The following GGCX variants were observed in gnomAD, a reference collection of about 807,000 sequenced individuals.
GGCX encodes vitamin K-dependent gamma-carboxylase.
In GGCX, 63 loss-of-function variants were observed where a neutral mutation model predicts 88.5. That is an observed-to-expected ratio of 0.71 (90% CI 0.58 to 0.88). The LOEUF (loss-of-function observed/expected upper bound fraction) is 0.88, where lower values mean the gene tolerates loss of function less well. GGCX is among the 40% of genes least tolerant of loss of function. The pLI is 0.00. For synonymous variants in GGCX, 368 were observed against 365.8 expected, an observed-to-expected ratio of 1.01 and a Z score of -0.07; for missense variants, 805 against 932.9, an observed-to-expected ratio of 0.86 and a Z score of 1.79.
chr2:85,547,123 A>G lies in GGCX; in HGVS notation c.*2811T>C, dbSNP rs118153916. ...ACATTAGGCCACAGGGAGCAGAGGG[A>G]AAGCATAACAGCAGGGGATGATAAG... On this transcript the variant is annotated 3_prime_UTR_variant, in exon 15 of 15. Coordinates refer to ENST00000233838, the MANE Select transcript of GGCX (RefSeq NM_000821.7). 1.0e-4 allele frequency: 16 copies of G among 152,434 alleles called. No individual in the cohort carries two copies. In the East Asian group the frequency reaches 3.1e-3, roughly 29 times the overall value. 9.4% of individuals were successfully genotyped at this position (152,434 alleles called of 1,614,324 possible).
At chr2:85,554,580 C>T in intron 6 of GGCX, 1 of 482,718 alleles carries the variant, frequency 2.1e-6, no homozygotes, top group Non-Finnish European at 3.8e-6. Flanking sequence ...ATCCTCCTGT[C>T]TCAGCCTCCG....
Position 85,554,311 on chromosome 2 carries a change from A to G in GGCX, c.726-5T>C. 6.2e-7 allele frequency: 1 copy of G among 1,613,576 alleles called. No homozygotes were observed. The highest frequency in any genetic ancestry group is 8.5e-7 in the Non-Finnish European group (1 of 1,179,650). ...AGCTCCTCAGACAACAGCAGTCTGC[A>G]AACACATGGAGAAAGTTCAAGCACC... On this transcript the variant is annotated splice_region_variant and splice_polypyrimidine_tract_variant and intron_variant, in intron 6 of 14. Transcript: ENST00000233838.
chr2:85,548,886 T>C lies in GGCX; in HGVS notation c.*1048A>G, dbSNP rs1051394187. On this transcript the variant is annotated 3_prime_UTR_variant, in exon 15 of 15. Coordinates refer to ENST00000233838, the MANE Select transcript of GGCX (RefSeq NM_000821.7). The stretch of plus-strand genomic sequence containing the variant: ...CACCAAAGGCTAGAATAATACCAAA[T>C]ACTAAGCTTATTTTTAGAGAAAATC... The C allele has an allele frequency of 4.6e-5, 7 of 152,182 alleles. No homozygotes were observed. The highest frequency in any genetic ancestry group is 2.0e-4 in the Admixed American group (3 of 15,278). The allele number at this position is 152,182 out of a possible 1,614,324, so 9.4% of individuals were successfully genotyped here. A position where few individuals can be genotyped will look rare whatever the true frequency, so the allele number is the denominator to read the frequency against.
Position 85,553,062 on chromosome 2 carries a change from G to C in GGCX, c.1164C>G (p.Asn388Lys), listed in dbSNP as rs146560494. The stretch of plus-strand genomic sequence containing the variant: ...AGCCATACAGCCCATTTGTCCAGTT[G>C]TTATAGCCCTGGGAAGGCAGCACAG... ...PYSHFLTQGY[N>K]NWTNGLYGYS... Residue 388 changes from asparagine (N) to lysine (K), a missense_variant, in exon 9 of 15, where the codon AAC becomes AAG. Asn to Lys is a moderately conservative substitution (Grantham distance 94). Coordinates refer to ENST00000233838, the MANE Select transcript of GGCX (RefSeq NM_000821.7). The C allele has an allele frequency of 1.2e-6, 2 of 1,614,176 alleles. No homozygotes were observed.
Position 85,558,972 on chromosome 2 carries a change from G to T in GGCX, c.318C>A (p.Ala106=), listed in dbSNP as rs768098005. Residue 106 remains alanine, a synonymous_variant, in exon 3 of 15, where the codon GCC becomes GCA. Coordinates refer to ENST00000233838, the MANE Select transcript of GGCX (RefSeq NM_000821.7). ...LDVCRFPLLD[A]LRPLPLDWMY... is the part of the protein sequence containing the mutation. ...TCCAGTCAAGTGGCAGTGGGCGTAG[G>T]GCATCCAGCAAGGGGAAGCGGCACA... The T allele has an allele frequency of 1.1e-5, 18 of 1,613,842 alleles. 1 individual carries two copies. The South Asian group carries it at 2.0e-4, about 18-fold the overall frequency.
Position 85,553,341 on chromosome 2 carries a change from C to G in GGCX, c.1046G>C (p.Arg349Pro), listed in dbSNP as rs146930374. 1.2e-6 allele frequency: 2 copies of G among 1,614,198 alleles called. No homozygotes were observed. Among genetic ancestry groups the G allele is most frequent in the East Asian group, 2.2e-5 (1 of 44,888 alleles). Residue 349 changes from arginine to proline, a missense_variant, in exon 8 of 15, where the codon CGG (arginine) becomes CCG (proline). Physicochemically the swap from Arg to Pro is moderately radical, Grantham distance 103. Around this residue, in one of 3 missense-constraint regions of GGCX, gnomAD observed 680 missense variants for 763.7 expected, o/e 0.89. Coordinates refer to ENST00000233838, the MANE Select transcript of GGCX (RefSeq NM_000821.7). The stretch of plus-strand genomic sequence containing the variant: ...CCCTGGCTTCTGGCCACTTTTGCCC[C>G]GGCTCCTCTTATACACACAGGAAAC... ...PSVSCVYKRS[R>P]GKSGQKPGLR...
rs1309584075 is a variant in GGCX, at chr2:85,555,516, A to G, written c.693T>C (p.Tyr231=). The change falls in exon 6 of 15, where the codon TAT becomes TAC. Residue 231 remains tyrosine, a synonymous_variant. Coordinates refer to ENST00000233838, the MANE Select transcript of GGCX (RefSeq NM_000821.7). The stretch of plus-strand genomic sequence containing the variant: ...GACTGAAGAGCCAGTGCCGGGACAA[A>G]TATTCCATGGAATAGCCTTCAACCC... ...ADWVEGYSME[Y]LSRHWLFSPF... 8 of 1,603,868 alleles carry G rather than the reference A, an allele frequency of 5.0e-6. No individual in the cohort carries two copies. The highest frequency in any genetic ancestry group is 6.8e-6 in the Non-Finnish European group (8 of 1,170,772).
At chr2:85,552,790 C>T in intron 9 of GGCX, 149 bp downstream of exon 9, 1 of 949,826 alleles carries the variant, frequency 1.1e-6, no homozygotes, top group Non-Finnish European at 1.7e-6. Flanking sequence ...CTATCTCAAC[C>T]CACATAAAAG....
Position 85,561,434 on chromosome 2 carries a change from TG to T in GGCX, c.-7del. 6.4e-7 allele frequency: 1 copy of T among 1,570,604 alleles called. No homozygotes were observed. On this transcript the variant is annotated 5_prime_UTR_variant, in exon 1 of 15. Coordinates refer to ENST00000233838, the MANE Select transcript of GGCX (RefSeq NM_000821.7). ...GACCCGGCAGACACCGCCATTGCTC[TG>T]CGGAGGAGGCAGGTGGGTCACAGCT...
At chr2:85,552,716 G>T (rs555842033) in intron 9 of GGCX, 149 bp from the exon 10 acceptor site, 6 of 982,230 alleles carry the variant, frequency 6.1e-6, no homozygotes, top group African/African-American at 4.8e-5. Context: ...ATTTTTCATT[G>T]TTGGGCTAGT....
chr2:85,561,330 C>G (rs1692450454), intron 1 of GGCX, 56 bp downstream of exon 1: 1 of 1,220,440 alleles, frequency 8.2e-7, no homozygotes, highest in Admixed American at 2.1e-5. Context: ...GCCCCCGCCC[C>G]TCTGAGACCA....
At chr2:85,557,424 G>A (rs1692250067) in intron 4 of GGCX, among the ~76,000 whole-genome samples, 1 of 152,130 alleles carries the variant, frequency 6.6e-6, no homozygotes, top group Admixed American at 6.5e-5. Flanking sequence ...GAAGGTTGAG[G>A]CTGCAGTGAG....
chr2:85,558,569 A>G lies in GGCX; in HGVS notation c.410T>C (p.Ile137Thr), dbSNP rs762705759. ...TGGCAGCAGGAATAACACACAGCTT[A>G]TCCGGTAGCACAGGCCCAGCATCAT... is the stretch of plus-strand genomic sequence containing the variant. ...LGMMLGLCYR[I>T]SCVLFLLPYW... Residue 137 changes from isoleucine to threonine, a missense_variant, in exon 4 of 15, where the codon ATA becomes ACA. By Grantham distance (89) the Ile-to-Thr change is moderately conservative. This residue lies in a region of GGCX where 680 missense variants were observed against 763.7 expected (regional missense o/e 0.89). Transcript: ENST00000233838. 6.2e-7 allele frequency: 1 copy of G among 1,613,796 alleles called. No individual in the cohort carries two copies. The highest frequency in any genetic ancestry group is 2.2e-5 in the East Asian group (1 of 44,888).
chr2:85,551,146 C>A, intron 12 of GGCX, 74 bp from the exon 13 acceptor site: 3 of 1,350,424 alleles, frequency 2.2e-6, no homozygotes, highest in Non-Finnish European at 3.2e-6. Flanking sequence ...TACTCTATGA[C>A]TCTTGGCTTC....
Position 85,553,215 on chromosome 2 carries a change from C to T in GGCX, c.1155+17G>A. 1 of 1,613,658 alleles carries T rather than the reference C, an allele frequency of 6.2e-7. No individual in the cohort carries two copies. The highest frequency in any genetic ancestry group is 8.5e-7 in the Non-Finnish European group (1 of 1,179,540). ...CTAAGTCCAGCCTTTGCTGTACACT[C>T]CACAGCCCCTACAAACCTGGGTGAG... On this transcript the variant is annotated intron_variant, in intron 8 of 14. Transcript: ENST00000233838.
rs190138791 is a variant in GGCX at position 85,554,888 on chromosome 2, G to A, written c.726-582C>T. The A allele has an allele frequency of 2.0e-4, 36 of 175,874 alleles. No homozygotes were observed. In the East Asian group the frequency reaches 3.6e-3, roughly 18 times the overall value. The allele number at this position is 175,874 out of a possible 1,614,324, so 10.9% of individuals were successfully genotyped here. A position where few individuals can be genotyped will look rare whatever the true frequency, so the allele number is the denominator to read the frequency against. On this transcript the variant is annotated intron_variant, in intron 6 of 14. Transcript: ENST00000233838. ...GATGTGTGTGTGTTGTGGAAGGGAC[G>A]TTCCCCACGGAGGTCATGAGTGAGA...
intron 4 of GGCX, among the ~76,000 whole-genome samples, chr2:85,557,441 T>C (rs1050575801): frequency 1.2e-4 from 18 of 152,174 alleles, no homozygotes; most frequent in African/African-American, 4.1e-4. Flanking sequence ...TGAGCTATGA[T>C]CACGCCACTG....
intron 4 of GGCX, among the ~76,000 whole-genome samples, chr2:85,557,903 T>G (rs1692272004): frequency 6.6e-6 from 1 of 152,136 alleles, no homozygotes; most frequent in African/African-American, 2.4e-5. Context: ...CCCACCACCT[T>G]ATCTCCAAAT....
chr2:85,552,555 T>C lies in GGCX; in HGVS notation c.1300A>G (p.Ser434Gly). 6.2e-7 allele frequency: 1 copy of C among 1,613,602 alleles called. No individual in the cohort carries two copies. The highest frequency in any genetic ancestry group is 8.5e-7 in the Non-Finnish European group (1 of 1,179,980). The stretch of plus-strand genomic sequence containing the variant: ...TCTGCATGATCCTTCCATCGCCGAC[T>C]CTGTGTAAATACCTGCCCCAAACCC... ...GYLNPGVFTQ[S>G]RRWKDHADML... The change falls in exon 10 of 15, where the codon AGT becomes GGT. Residue 434 changes from serine to glycine, a missense_variant. Around this residue, in one of 3 missense-constraint regions of GGCX, gnomAD observed 680 missense variants for 763.7 expected, o/e 0.89. Coordinates refer to ENST00000233838, the MANE Select transcript of GGCX (RefSeq NM_000821.7).
Sources: allele counts gnomAD v4.1 joint callset (sites outside exome capture counted in the v4.1 genomes callset), GRCh38; gene constraint gnomAD v4.1.1; regional missense constraint gnomAD v4.1.1; transcripts MANE v1.5; gene names NCBI Gene and HGNC (gene_info 2026-07-23, HGNC 2026-07-21).